The following KHDRBS2 variants were observed in gnomAD, a reference collection of about 807,000 sequenced individuals.
The protein encoded by KHDRBS2 is KH domain-containing, RNA-binding, signal transduction-associated protein 2.
In KHDRBS2, 26 loss-of-function variants were observed where a neutral mutation model predicts 44.3. The observed-to-expected ratio is 0.59, with a 90% CI of 0.43 to 0.81. The LOEUF (loss-of-function observed/expected upper bound fraction) is 0.81, where lower values mean the gene tolerates loss of function less well. Ranked by LOEUF, KHDRBS2 falls within the 40% of genes least tolerant of loss-of-function variation. KHDRBS2 has a pLI of 0.00. For missense variants in KHDRBS2, 476 were observed against 433.1 expected (o/e 1.10, Z -0.88); for synonymous variants, 194 against 151.1 (o/e 1.28, Z -2.08).
chr6:62,070,801 C>T (rs374528922), intron 2 of KHDRBS2, among the ~76,000 whole-genome samples: 10 of 152,108 alleles, frequency 6.6e-5, no homozygotes, highest in Admixed American at 1.3e-4. Flanking sequence ...AATAAACATA[C>T]GTGTGCATGT....
At chr6:62,079,744 G>A (rs915170764) in intron 2 of KHDRBS2, among the ~76,000 whole-genome samples, 1 of 152,020 alleles carries the variant, frequency 6.6e-6, no homozygotes, top group Non-Finnish European at 1.5e-5. Flanking sequence ...TATTCCTAAT[G>A]CCTCTGCTAA....
chr6:61,954,354 T>C (rs72882498), intron 4 of KHDRBS2, among the ~76,000 whole-genome samples: 14,472 of 86,430 alleles, frequency 0.17, 2,035 homozygotes, highest in East Asian at 0.34. Context: ...TATACATATG[T>C]ATGCATACAT....
chr6:62,090,310 A>G (rs139787693), intron 2 of KHDRBS2, among the ~76,000 whole-genome samples: 1 of 152,314 alleles, frequency 6.6e-6, no homozygotes, highest in African/African-American at 2.4e-5. Context: ...TTAAGGGCCC[A>G]AGCATAGTTG....
At chr6:61,960,538 C>T (rs1364383454) in intron 4 of KHDRBS2, among the ~76,000 whole-genome samples, 2 of 151,948 alleles carry the variant, frequency 1.3e-5, no homozygotes, top group African/African-American at 2.4e-5. Context: ...AAGCAATAAA[C>T]ATATTGATCC....
At chr6:61,673,363 C>T in the KHDRBS2 span, among the ~76,000 whole-genome samples, 1 of 151,812 alleles carries the variant, frequency 6.6e-6, no homozygotes, top group South Asian at 2.1e-4. Flanking sequence ...AAAACTGGCA[C>T]AAGACAGGGA....
At chr6:61,792,728 G>A (rs1037856794) in intron 6 of KHDRBS2, among the ~76,000 whole-genome samples, 1 of 151,832 alleles carries the variant, frequency 6.6e-6, no homozygotes, top group Non-Finnish European at 1.5e-5. Flanking sequence ...AGTTAGCTAG[G>A]AGTTGTAAAA....
intron 1 of KHDRBS2, among the ~76,000 whole-genome samples, chr6:62,223,537 T>C (rs1831256155): frequency 6.6e-6 from 1 of 152,202 alleles, no homozygotes; most frequent in Admixed American, 6.5e-5. Context: ...CCAGCTTGAA[T>C]TTTTCCTCAG....
chr6:61,939,523 C>T (rs1238843459), intron 4 of KHDRBS2, among the ~76,000 whole-genome samples: 2 of 150,496 alleles, frequency 1.3e-5, no homozygotes, highest in Admixed American at 6.8e-5. Flanking sequence ...TTAGTGAATA[C>T]TTTTTCTATA....
intron 2 of KHDRBS2, among the ~76,000 whole-genome samples, chr6:62,079,860 G>T (rs994391644): frequency 6.6e-5 from 10 of 151,976 alleles, no homozygotes; most frequent in African/African-American, 2.4e-4. Flanking sequence ...CTTCACAATA[G>T]GAACTCTTCC....
intron 1 of KHDRBS2, among the ~76,000 whole-genome samples, chr6:62,253,768 C>T (rs538923484): frequency 6.6e-6 from 1 of 152,096 alleles, no homozygotes; most frequent in Admixed American, 6.6e-5. Context: ...GGCCCAAATG[C>T]ATTCTCACCT....
intron 7 of KHDRBS2, among the ~76,000 whole-genome samples, chr6:61,710,648 T>A (rs767425496): frequency 1.3e-5 from 2 of 151,140 alleles, no homozygotes; most frequent in African/African-American, 4.9e-5. Flanking sequence ...CAGGAAGGTA[T>A]TCATCATCCT....
intron 3 of KHDRBS2, among the ~76,000 whole-genome samples, chr6:62,028,027 C>A (rs1418426693): frequency 2.0e-5 from 3 of 152,070 alleles, no homozygotes; most frequent in Non-Finnish European, 4.4e-5. Flanking sequence ...CCACTTCTGA[C>A]TAGCCTCTGA....
chr6:61,592,601 A>C, the KHDRBS2 span, among the ~76,000 whole-genome samples: 2 of 152,222 alleles, frequency 1.3e-5, no homozygotes, highest in Non-Finnish European at 2.9e-5. Flanking sequence ...CAGCTTTTCA[A>C]GGCTATTCCT....
At chr6:61,939,556 C>A (rs1291610228) in intron 4 of KHDRBS2, among the ~76,000 whole-genome samples, 1 of 148,388 alleles carries the variant, frequency 6.7e-6, no homozygotes, top group East Asian at 2.0e-4. Flanking sequence ...GTAAAAAAAA[C>A]AGATTTATTG....
intron 2 of KHDRBS2, among the ~76,000 whole-genome samples, chr6:62,070,520 T>G (rs1162749981): frequency 6.6e-6 from 1 of 151,734 alleles, no homozygotes; most frequent in Non-Finnish European, 1.5e-5. Flanking sequence ...CCCCGGTGTG[T>G]GATGTTCCCC....
At chr6:61,893,878 C>T (rs1422925618) in intron 6 of KHDRBS2, among the ~76,000 whole-genome samples, 1 of 151,576 alleles carries the variant, frequency 6.6e-6, no homozygotes, top group East Asian at 1.9e-4. Flanking sequence ...TGCACATGTA[C>T]CCTAAAACTT....
chr6:61,862,445 A>G (rs1797130999), intron 6 of KHDRBS2, among the ~76,000 whole-genome samples: 1 of 151,340 alleles, frequency 6.6e-6, no homozygotes, highest in Non-Finnish European at 1.5e-5. Flanking sequence ...GTACGATATC[A>G]TTGGTGGGTT....
At chr6:62,008,078 G>A (rs1779593626) in intron 3 of KHDRBS2, among the ~76,000 whole-genome samples, 1 of 152,112 alleles carries the variant, frequency 6.6e-6, no homozygotes, top group Non-Finnish European at 1.5e-5. Context: ...AGCAGAAAAG[G>A]TAACATATTC....
At chr6:61,909,609 G>T (rs921670757) in intron 4 of KHDRBS2, among the ~76,000 whole-genome samples, 1 of 151,984 alleles carries the variant, frequency 6.6e-6, no homozygotes. Context: ...CCCTCCCATC[G>T]TGACACCATA....
Sources: gnomAD v4.1 joint callset for allele counts (sites outside exome capture counted in the v4.1 genomes callset) on GRCh38, gnomAD v4.1.1 for gene constraint, MANE v1.5 for transcripts, NCBI Gene and HGNC (gene_info 2026-07-23, HGNC 2026-07-21) for gene names.